The following BNIP5 variants were observed in gnomAD, a reference collection of about 807,000 sequenced individuals.
BNIP5 encodes the protein protein BNIP5.
In BNIP5, 61 loss-of-function variants were observed where a neutral mutation model predicts 67.3. The ratio of observed to expected loss-of-function variants is 0.91; its 90% CI spans 0.74 to 1.12. The LOEUF (loss-of-function observed/expected upper bound fraction) is 1.12. Ranked by LOEUF, BNIP5 falls within the 50% of genes most tolerant of loss-of-function variation. The probability of loss-of-function intolerance (pLI) is 0.00; values close to 1 mark genes in which losing one functional copy is unlikely to be tolerated. For synonymous variants in BNIP5, 317 were observed against 319.0 expected (o/e 0.99, Z 0.07); for missense variants, 826 against 816.3 (o/e 1.01, Z -0.14).
rs1322620868 is a variant in BNIP5 at position 36,322,314 on chromosome 6, A to G, written c.1600T>C (p.Ser534Pro). ...GAPQLSGACE[S>P]KEIIIQKLVA... ...TAAGAGCAGGGGTGTTACTGACTAGATTCACATGCTCCACTCAGCTGAGGT... is the reference window on the plus strand; with the variant it reads ...TAAGAGCAGGGGTGTTACTGACTAGGTTCACATGCTCCACTCAGCTGAGGT... The change falls in exon 9 of 12, where the codon TCT (serine) becomes CCT (proline). Residue 534 changes from serine (S) to proline (P), a missense_variant. Ser to Pro is a moderately conservative substitution (Grantham distance 74). Transcript: ENST00000437635. 6.2e-7 allele frequency: 1 copy of G among 1,613,896 alleles called. No individual in the cohort carries two copies. The highest frequency in any genetic ancestry group is 8.5e-7 in the Non-Finnish European group (1 of 1,179,994).
At chr6:36,323,022 TTTG>T (rs1444758112) in intron 8 of BNIP5, among the ~76,000 whole-genome samples, 1 of 152,158 alleles carries the variant, frequency 6.6e-6, no homozygotes, top group East Asian at 1.9e-4. Flanking sequence ...TCCCATCACA[TTTG>T]TTGTTAAGTG....
rs1324977961 is a variant in BNIP5 at position 36,336,886 on chromosome 6, G to C, written c.-179C>G. ...CTTTGGTGCTGGCAATTTTCTGAGT[G>C]TCTCAGAAGATGCTTTGGCCGTCCA... On this transcript the variant is annotated 5_prime_UTR_variant, in exon 1 of 12. Transcript: ENST00000437635. The C allele has an allele frequency of 6.6e-6, 1 of 152,176 alleles. No individual in the cohort carries two copies. 9.4% of individuals were successfully genotyped at this position (152,176 alleles called of 1,614,324 possible).
At position 36,321,703 on chromosome 6, in the gene BNIP5, T is replaced by C. The variant is rs1169319157; in HGVS notation, c.1604-484A>G. Among the ~76,000 whole-genome samples the C allele has an allele frequency of 2.0e-5, 3 of 152,136 alleles. No individual in the cohort carries two copies. The South Asian group carries it at 6.2e-4, about 32-fold the overall frequency. ...AAGTTTACTGTAAATATTCAGGAAATTTGTGGACTAGTTGTTTTGTTTTAG... is the reference window on the plus strand; with the variant it reads ...AAGTTTACTGTAAATATTCAGGAAACTTGTGGACTAGTTGTTTTGTTTTAG... On this transcript the variant is annotated intron_variant, in intron 9 of 11. Coordinates refer to ENST00000437635, the MANE Select transcript of BNIP5 (RefSeq NM_001010903.5).
In BNIP5 at chr6:36,319,376, G is replaced by C. The variant is rs574276275; in HGVS notation, c.1903C>G (p.Pro635Ala). The C allele has an allele frequency of 3.1e-6, 5 of 1,614,088 alleles. No homozygotes were observed. Among genetic ancestry groups the C allele is most frequent in the Non-Finnish European group, 3.4e-6 (4 of 1,180,012 alleles). ...LRDHYNCTQF[P>A]YREDQPNITS... is the part of the protein sequence containing the mutation. Reference sequence around the variant, plus strand: ...CTCACCGGCTGGTCCTCCCTGTATGGGAACTGGGTGCAATTGTAGTGGTCT... The same window carrying C: ...CTCACCGGCTGGTCCTCCCTGTATGCGAACTGGGTGCAATTGTAGTGGTCT... Residue 635 changes from proline to alanine, a missense_variant, in exon 11 of 12, where the codon CCA becomes GCA. Pro to Ala is a conservative substitution (Grantham distance 27, BLOSUM62 -1). Transcript: ENST00000437635.
chr6:36,321,327 T>A (rs1771632299), intron 9 of BNIP5, 108 bp from the exon 10 acceptor site: 3 of 808,894 alleles, frequency 3.7e-6, no homozygotes, highest in Non-Finnish European at 6.3e-6. Context: ...GACAATATTT[T>A]CTCTCTAAAA....
chr6:36,328,845 C>T (rs1224159682), intron 2 of BNIP5, 131 bp from the exon 3 acceptor site: 5 of 673,166 alleles, frequency 7.4e-6, no homozygotes, highest in Admixed American at 6.5e-5. Context: ...TGCTGCAGCC[C>T]GCTCTAGGCT....
At chr6:36,321,263 T>C (rs1366088946) in intron 9 of BNIP5, 44 bp from the exon 10 acceptor site, 1 of 1,411,156 alleles carries the variant, frequency 7.1e-7, no homozygotes, top group Non-Finnish European at 9.9e-7. Flanking sequence ...GACTGGGTGA[T>C]GCCCAGTTCC....
chr6:36,331,840 T>C (rs1771913745), intron 1 of BNIP5, among the ~76,000 whole-genome samples: 1 of 152,050 alleles, frequency 6.6e-6, no homozygotes, highest in Non-Finnish European at 1.5e-5. Context: ...TTTCTTTCTT[T>C]TACCCCCACA....
In BNIP5 at chr6:36,321,123, G is replaced by A. The variant is rs1321850839; in HGVS notation, c.1668+32C>T. 3 of 1,482,986 alleles carry A rather than the reference G, an allele frequency of 2.0e-6. No individual in the cohort carries two copies. In the South Asian group the frequency reaches 3.6e-5, roughly 18 times the overall value. 91.9% of individuals were successfully genotyped at this position (1,482,986 alleles called of 1,614,324 possible). On this transcript the variant is annotated intron_variant, in intron 10 of 11. Transcript: ENST00000437635. ...CCCAGGTGGGTAGATGAGGCCCTGG[G>A]GTTGGCCTGGGGAGGGCTGAGTGGT...
intron 9 of BNIP5, among the ~76,000 whole-genome samples, chr6:36,321,522 A>T (rs906125872): frequency 4.6e-5 from 7 of 152,168 alleles, no homozygotes; most frequent in African/African-American, 1.7e-4. Flanking sequence ...AGTGTCCCTT[A>T]TCCAGGCTAC....
Position 36,327,445 on chromosome 6 carries a change from C to T in BNIP5, c.728-351G>A, listed in dbSNP as rs61309663. Among the ~76,000 whole-genome samples, 1,285 of 152,330 alleles carry T rather than the reference C, an allele frequency of 8.4e-3. 21 individuals are homozygous for T. The highest frequency in any genetic ancestry group is 0.029 in the African/African-American group (1,204 of 41,564). ...AACCTCTCTGGGCCTTTATCTCTCC[C>T]AGTGAAATGTGGGTGATAATCTTTG... is the stretch of plus-strand genomic sequence containing the variant. On this transcript the variant is annotated intron_variant, in intron 3 of 11. Transcript: ENST00000437635.
chr6:36,323,606 G>C, intron 7 of BNIP5, 73 bp from the exon 8 acceptor site: 2 of 1,563,324 alleles, frequency 1.3e-6, no homozygotes, highest in Non-Finnish European at 1.7e-6. Flanking sequence ...TGGGGAAAGA[G>C]AGCCACGGTG....
rs751732226 is a variant in BNIP5, at chr6:36,326,650, G to C, written c.896C>G (p.Thr299Arg). ...KKTSLKRTSK[T>R]NPKKHGSEEA... is the part of the protein sequence containing the mutation. ...CTCGGAGCCGTGTTTCTTGGGGTTTGTCTTTGAGGTTCTCTTGAGGCTTGT... is the reference window on the plus strand; with the variant it reads ...CTCGGAGCCGTGTTTCTTGGGGTTTCTCTTTGAGGTTCTCTTGAGGCTTGT... The change falls in exon 5 of 12, where the codon ACA becomes AGA. Residue 299 changes from threonine (T) to arginine (R), a missense_variant. Physicochemically the swap from Thr to Arg is moderately conservative, Grantham distance 71. Coordinates refer to ENST00000437635, the MANE Select transcript of BNIP5 (RefSeq NM_001010903.5). The C allele has an allele frequency of 1.1e-5, 18 of 1,614,246 alleles. No homozygotes were observed. Among genetic ancestry groups the C allele is most frequent in the Middle Eastern group, 1.6e-4 (1 of 6,062 alleles).
At chr6:36,328,482 G>A in intron 3 of BNIP5, 116 bp downstream of exon 3, 1 of 692,012 alleles carries the variant, frequency 1.4e-6, no homozygotes, top group Non-Finnish European at 2.6e-6. Flanking sequence ...AAAGGCCAGT[G>A]CATGTATTTT....
chr6:36,322,214 T>C (rs1466061500), intron 9 of BNIP5, 97 bp downstream of exon 9: 1 of 1,499,840 alleles, frequency 6.7e-7, no homozygotes, highest in East Asian at 2.3e-5. Flanking sequence ...GCCTTCCCCA[T>C]TCCTTCCTCA....
rs533476549 is a variant in BNIP5, at chr6:36,325,537, G to A, written c.1037-123C>T. ...GATCACATTAAGGACTTATGGGGCT[G>A]GAAGACAGCTGCTGGGCAGGGCTGT... On this transcript the variant is annotated intron_variant, in intron 5 of 11. Coordinates refer to ENST00000437635, the MANE Select transcript of BNIP5 (RefSeq NM_001010903.5). The A allele has an allele frequency of 3.3e-5, 39 of 1,184,318 alleles. No homozygotes were observed. The African/African-American group carries it at 4.2e-4, about 13-fold the overall frequency. 73.4% of individuals were successfully genotyped at this position (1,184,318 alleles called of 1,614,324 possible). A position where few individuals can be genotyped will look rare whatever the true frequency, so the allele number is the denominator to read the frequency against.
Position 36,328,678 on chromosome 6 carries a change from T to A in BNIP5, c.647A>T (p.Lys216Ile). ...ATCCAAAGCTCCAGTACCATCCACT[T>A]TGATGAGGAAGGACTGGTGATCAGA... is the stretch of plus-strand genomic sequence containing the variant. ...EDSDHQSFLI[K>I]VDGTGALDVS... is the part of the protein sequence containing the mutation. The change falls in exon 3 of 12, where the codon AAA (lysine) becomes ATA (isoleucine). Residue 216 changes from lysine (K) to isoleucine (I), a missense_variant. Physicochemically the swap from Lys to Ile is moderately radical, Grantham distance 102. Coordinates refer to ENST00000437635, the MANE Select transcript of BNIP5 (RefSeq NM_001010903.5). 1.9e-6 allele frequency: 3 copies of A among 1,614,068 alleles called. No homozygotes were observed. In the South Asian group the frequency reaches 3.3e-5, roughly 18 times the overall value.
rs1398346651 is a variant in BNIP5 at position 36,330,524 on chromosome 6, G to A, written c.167C>T (p.Ala56Val). 4 of 1,613,962 alleles carry A rather than the reference G, an allele frequency of 2.5e-6. No individual in the cohort carries two copies. Among genetic ancestry groups the A allele is most frequent in the East Asian group, 2.2e-5 (1 of 44,886 alleles). The part of the protein sequence containing the change: ...KALHWTTSDW[A>V]RHSDSPAPSA... ...TGGAGCTGGGCTGTCTGAATGTCTG[G>A]CCCAATCACTGGTCGTCCAGTGAAG... Residue 56 changes from alanine (A) to valine (V), a missense_variant, in exon 2 of 12, where the codon GCC (alanine) becomes GTC (valine). Physicochemically the swap from Ala to Val is moderately conservative, Grantham distance 64. Transcript: ENST00000437635.
chr6:36,321,148 T>A lies in BNIP5; in HGVS notation c.1668+7A>T. 1.3e-6 allele frequency: 2 copies of A among 1,576,274 alleles called. No individual in the cohort carries two copies. The highest frequency in any genetic ancestry group is 2.3e-5 in the South Asian group (2 of 86,206). ...GGTTGGCCTGGGGAGGGCTGAGTGG[T>A]ACTCACCTGCTGCCCCAGTTGGCCA... On this transcript the variant is annotated splice_region_variant and intron_variant, in intron 10 of 11. Coordinates refer to ENST00000437635, the MANE Select transcript of BNIP5 (RefSeq NM_001010903.5).
Sources: gnomAD v4.1 joint callset for allele counts (sites outside exome capture counted in the v4.1 genomes callset) on GRCh38, gnomAD v4.1.1 for gene constraint, MANE v1.5 for transcripts, NCBI Gene and HGNC (gene_info 2026-07-23, HGNC 2026-07-21) for gene names.